Variants in CHP1 observed in about 807,000 individuals in gnomAD.
CHP1 encodes the protein calcineurin like EF-hand protein 1.
Under a neutral mutation model 27.4 loss-of-function variants are expected in CHP1, and 11 were observed. The ratio of observed to expected loss-of-function variants is 0.40; its 90% CI spans 0.25 to 0.67. CHP1 has a LOEUF of 0.67. CHP1 is among the 30% of genes least tolerant of loss of function. The probability of loss-of-function intolerance (pLI) is 0.38; values close to 1 mark genes in which losing one functional copy is unlikely to be tolerated. For missense variants in CHP1, 169 were observed against 251.3 expected (o/e 0.67, Z 2.22); for synonymous variants, 89 against 87.4 (o/e 1.02, Z -0.10).
At chr15:41,259,977 G>A (rs564066922) in intron 3 of CHP1, among the ~76,000 whole-genome samples, 42 of 152,172 alleles carry the variant, frequency 2.8e-4, no homozygotes, top group Middle Eastern at 6.8e-3. Context: ...TGATCCGCCC[G>A]CCCCGGCCTC....
At chr15:41,247,545 G>T (rs1456132921) in intron 2 of CHP1, among the ~76,000 whole-genome samples, 1 of 151,868 alleles carries the variant, frequency 6.6e-6, no homozygotes, top group Non-Finnish European at 1.5e-5. Flanking sequence ...GGTGGCGCAC[G>T]CCTGTAATCC....
intron 3 of CHP1, 22 bp from the exon 4 acceptor site, chr15:41,262,734 G>A: frequency 6.2e-7 from 1 of 1,611,276 alleles, no homozygotes; most frequent in Non-Finnish European, 8.5e-7. Context: ...ATGGTGTTGT[G>A]TTTGTTATAT....
At chr15:41,273,272 C>A (rs1300147378) in intron 5 of CHP1, among the ~76,000 whole-genome samples, 3 of 152,032 alleles carry the variant, frequency 2.0e-5, no homozygotes, top group Non-Finnish European at 4.4e-5. Context: ...GAAAATCAAC[C>A]AATATATTTC....
intron 1 of CHP1, among the ~76,000 whole-genome samples, chr15:41,232,970 C>T (rs887393900): frequency 3.3e-5 from 5 of 152,162 alleles, no homozygotes; most frequent in African/African-American, 1.2e-4. Context: ...TAAAATATGG[C>T]CCTTAAGCCT....
At chr15:41,234,142 T>C (rs957850369) in intron 1 of CHP1, 1 of 152,110 alleles carries the variant, frequency 6.6e-6, no homozygotes, top group African/African-American at 2.4e-5. Flanking sequence ...TTTGTAGAGA[T>C]GGAGTCTTGT....
At chr15:41,261,282 G>A (rs1477156140) in intron 3 of CHP1, among the ~76,000 whole-genome samples, 1 of 151,738 alleles carries the variant, frequency 6.6e-6, no homozygotes, top group African/African-American at 2.4e-5. Context: ...ACCCTCCCGA[G>A]TAGCTGGGAT....
chr15:41,250,929 G>C (rs2047363584), intron 2 of CHP1, among the ~76,000 whole-genome samples: 3 of 151,822 alleles, frequency 2.0e-5, no homozygotes. Flanking sequence ...ACCGCTTCCG[G>C]GTTCAAGTGA....
rs768383433 is a variant in CHP1, at chr15:41,278,813, G to T, written c.458G>T (p.Gly153Val). The change falls in exon 6 of 7, where the codon GGC (glycine) becomes GTC (valine). Residue 153 changes from glycine to valine, a missense_variant. Gly to Val is a moderately radical substitution (Grantham distance 109). Coordinates refer to ENST00000334660, the MANE Select transcript of CHP1 (RefSeq NM_007236.5). ...GTAAATATCTCAGATGAGCAGCTGG[G>T]CAGCATCGCAGACAGGACCATTCAG... ...VGVNISDEQL[G>V]SIADRTIQEA... 6.2e-7 allele frequency: 1 copy of T among 1,614,166 alleles called. No homozygotes were observed. The highest frequency in any genetic ancestry group is 8.5e-7 in the Non-Finnish European group (1 of 1,180,010).
chr15:41,236,969 A>G (rs532760992), intron 1 of CHP1, among the ~76,000 whole-genome samples: 5 of 149,860 alleles, frequency 3.3e-5, no homozygotes, highest in African/African-American at 1.2e-4. Context: ...AGCTGGGATT[A>G]CAGGTGCCTG....
At chr15:41,242,810 G>C (rs1458639230) in intron 1 of CHP1, among the ~76,000 whole-genome samples, 1 of 151,542 alleles carries the variant, frequency 6.6e-6, no homozygotes, top group African/African-American at 2.4e-5. Flanking sequence ...GGGCATGGTG[G>C]TGGGCGCCTG....
chr15:41,270,940 C>T (rs2047485379), intron 5 of CHP1, among the ~76,000 whole-genome samples: 1 of 152,088 alleles, frequency 6.6e-6, no homozygotes, highest in Admixed American at 6.6e-5. Context: ...ATGGTAAAAA[C>T]CCATTTCTAG....
At chr15:41,242,062 C>T (rs1409074553) in intron 1 of CHP1, among the ~76,000 whole-genome samples, 3 of 152,174 alleles carry the variant, frequency 2.0e-5, no homozygotes, top group Non-Finnish European at 4.4e-5. Flanking sequence ...ATTATTGCCT[C>T]ATTTTAATTG....
chr15:41,270,461 C>A, intron 4 of CHP1, 96 bp from the exon 5 acceptor site: 1 of 872,702 alleles, frequency 1.1e-6, no homozygotes, highest in Non-Finnish European at 1.9e-6. Context: ...GATTAATTGG[C>A]TGTCAGTTTT....
chr15:41,278,948 T>A (rs111485600), intron 6 of CHP1, 59 bp downstream of exon 6: 1 of 1,602,904 alleles, frequency 6.2e-7, no homozygotes, highest in East Asian at 2.2e-5. Context: ...CGCGGTGGCT[T>A]ACGCCTGTAA....
At chr15:41,264,134 G>T in intron 4 of CHP1, 1 of 1,206,722 alleles carries the variant, frequency 8.3e-7, no homozygotes, top group Non-Finnish European at 1.1e-6. Flanking sequence ...TTGTTAACAG[G>T]GCTTTTTTTT....
intron 2 of CHP1, among the ~76,000 whole-genome samples, chr15:41,245,726 T>C (rs2047331370): frequency 6.6e-6 from 1 of 152,230 alleles, no homozygotes; most frequent in African/African-American, 2.4e-5. Context: ...GACGTATACC[T>C]AGGAGTGGAA....
At chr15:41,265,164 C>G (rs936002119) in intron 4 of CHP1, among the ~76,000 whole-genome samples, 1 of 151,362 alleles carries the variant, frequency 6.6e-6, no homozygotes, top group African/African-American at 2.4e-5. Flanking sequence ...GAGTTCGAGA[C>G]AAGTCTGGCC....
intron 5 of CHP1, among the ~76,000 whole-genome samples, chr15:41,278,348 A>C (rs2140945407): frequency 6.6e-6 from 1 of 151,922 alleles, no homozygotes; most frequent in Non-Finnish European, 1.5e-5. Flanking sequence ...AAAAAAAAAA[A>C]AAGGAAAAAA....
At chr15:41,250,187 C>T (rs1202448442) in intron 2 of CHP1, among the ~76,000 whole-genome samples, 1 of 151,700 alleles carries the variant, frequency 6.6e-6, no homozygotes, top group African/African-American at 2.4e-5. Flanking sequence ...GATTTCACCA[C>T]ATCTTTAATT....
Sources: allele counts gnomAD v4.1 joint callset (sites outside exome capture counted in the v4.1 genomes callset), GRCh38; gene constraint gnomAD v4.1.1; transcripts MANE v1.5; gene names NCBI Gene and HGNC (gene_info 2026-07-23, HGNC 2026-07-21).